Variants in SCLT1 observed in about 807,000 individuals in gnomAD.
SCLT1 encodes the protein sodium channel and clathrin linker 1, also known as sodium channel-associated protein 1.
A neutral mutation model predicts 112.8 loss-of-function variants in SCLT1; 78 were observed. The ratio of observed to expected loss-of-function variants is 0.69; its 90% confidence interval spans 0.58 to 0.83. The LOEUF (loss-of-function observed/expected upper bound fraction) is 0.83, where lower values mean the gene tolerates loss of function less well. SCLT1 is among the 40% of genes least tolerant of loss of function. The pLI is 0.00. For synonymous variants in SCLT1, 257 were observed against 254.7 expected (o/e 1.01, Z -0.09); for missense variants, 747 against 770.4 (o/e 0.97, Z 0.36).
At chr4:128,917,333 C>T (rs1248632992) in intron 18 of SCLT1, among the ~76,000 whole-genome samples, 1 of 152,164 alleles carries the variant, frequency 6.6e-6, no homozygotes, top group East Asian at 1.9e-4. Context: ...TATAATGGTA[C>T]ACAACATATT....
At position 129,093,245 on chromosome 4, in the gene SCLT1, C is replaced by A; in HGVS notation, c.-142G>T. On this transcript the variant is annotated 5_prime_UTR_variant, in exon 1 of 21. Coordinates refer to ENST00000281142, the MANE Select transcript of SCLT1 (RefSeq NM_144643.4). ...AGCGGTGCAATCTGCATCCTACTCACGCGGCATCTACAGCCCCGCCACGCT... is the reference window on the plus strand; with the variant it reads ...AGCGGTGCAATCTGCATCCTACTCAAGCGGCATCTACAGCCCCGCCACGCT... The A allele has an allele frequency of 2.8e-6, 2 of 717,320 alleles. No homozygotes were observed. Among genetic ancestry groups the A allele is most frequent in the Non-Finnish European group, 2.5e-6 (1 of 405,782 alleles). 44.4% of individuals were successfully genotyped at this position (717,320 alleles called of 1,614,324 possible).
intron 11 of SCLT1, among the ~76,000 whole-genome samples, chr4:128,963,246 T>TATTTTTTAAA (rs1739893000): frequency 6.6e-6 from 1 of 152,214 alleles, no homozygotes; most frequent in Admixed American, 6.5e-5. Context: ...AGTTTTTACT[T>TATTTTTTAAA]ATTTTTTAAA....
chr4:128,977,572 C>A (rs1741285986), intron 9 of SCLT1, among the ~76,000 whole-genome samples: 1 of 152,128 alleles, frequency 6.6e-6, no homozygotes, highest in African/African-American at 2.4e-5. Context: ...CATGGGTCAT[C>A]AGGCACATCT....
chr4:129,000,721 C>T (rs1007253860), intron 6 of SCLT1, among the ~76,000 whole-genome samples: 7 of 151,744 alleles, frequency 4.6e-5, no homozygotes, highest in Non-Finnish European at 1.0e-4. Flanking sequence ...AAACATAAGG[C>T]ACCTTGGAGT....
At chr4:129,018,546 C>G (rs895403548) in intron 5 of SCLT1, among the ~76,000 whole-genome samples, 1 of 152,026 alleles carries the variant, frequency 6.6e-6, no homozygotes, top group Non-Finnish European at 1.5e-5. Context: ...GAAAGGAGAT[C>G]AAAATGATCT....
chr4:128,951,634 T>C (rs1738747589), intron 14 of SCLT1, among the ~76,000 whole-genome samples: 1 of 152,064 alleles, frequency 6.6e-6, no homozygotes, highest in African/African-American at 2.4e-5. Flanking sequence ...ACTCCTCTTT[T>C]TCCACAAAGA....
intron 18 of SCLT1, among the ~76,000 whole-genome samples, chr4:128,910,452 G>A (rs1479578574): frequency 6.6e-6 from 1 of 152,128 alleles, no homozygotes; most frequent in Non-Finnish European, 1.5e-5. Flanking sequence ...TTTCTATTAG[G>A]TTGTTAACCT....
rs922973961 is a variant in SCLT1 at position 128,901,683 on chromosome 4, T to TAAAA, written c.1830-10550_1830-10547dup. 2.0e-5 allele frequency among the ~76,000 whole-genome samples: 3 copies of TAAAA among 150,858 alleles called. No homozygotes were observed. In the East Asian group the frequency reaches 5.9e-4, roughly 29 times the overall value. ...ACTTAAAGTATAATAAAAAAAAAATTAAAAAAAAAGACTGCACCCTTGTCC... is the reference window on the plus strand; with the variant it reads ...ACTTAAAGTATAATAAAAAAAAAATTAAAAAAAAAAAAAGACTGCACCCTTGTCC... On this transcript the variant is annotated intron_variant, in intron 18 of 20. Transcript: ENST00000281142.
At chr4:129,081,708 A>G (rs1054459353) in intron 2 of SCLT1, among the ~76,000 whole-genome samples, 5 of 152,212 alleles carry the variant, frequency 3.3e-5, no homozygotes, top group South Asian at 2.1e-4. Flanking sequence ...ACAATTCCAC[A>G]TGAGATTTGG....
intron 7 of SCLT1, among the ~76,000 whole-genome samples, chr4:128,998,499 G>C (rs1743195730): frequency 6.6e-6 from 1 of 151,688 alleles, no homozygotes; most frequent in Admixed American, 6.6e-5. Context: ...GATAACCAGG[G>C]AAAAAAGAAT....
chr4:129,037,532 T>C (rs775943347), intron 5 of SCLT1: 13 of 152,192 alleles, frequency 8.5e-5, no homozygotes, highest in Non-Finnish European at 1.3e-4. Context: ...TCCAGTTTTA[T>C]GGAAATAATG....
intron 11 of SCLT1, among the ~76,000 whole-genome samples, chr4:128,962,921 T>A (rs1431150729): frequency 6.6e-6 from 1 of 152,214 alleles, no homozygotes; most frequent in Non-Finnish European, 1.5e-5. Flanking sequence ...AGCTCTCATA[T>A]ACATATATCC....
chr4:129,007,286 CT>C (rs1170269138), intron 5 of SCLT1, among the ~76,000 whole-genome samples: 1 of 152,006 alleles, frequency 6.6e-6, no homozygotes, highest in African/African-American at 2.4e-5. Context: ...AATATTGCAT[CT>C]TAACTTACTG....
At position 128,959,537 on chromosome 4, in the gene SCLT1, G is replaced by C. The variant is rs1739503276; in HGVS notation, c.1047+63C>G. The C allele has an allele frequency of 2.5e-6, 3 of 1,212,322 alleles. No individual in the cohort carries two copies. The South Asian group carries it at 3.8e-5, about 15-fold the overall frequency. 75.1% of individuals were successfully genotyped at this position (1,212,322 alleles called of 1,614,324 possible). Reference sequence around the variant, plus strand: ...CAACAGCTATTGAATCCCTTACTGTGAGGTCACATGGGAGAATAGTCAACA... The same window carrying C: ...CAACAGCTATTGAATCCCTTACTGTCAGGTCACATGGGAGAATAGTCAACA... On this transcript the variant is annotated intron_variant, in intron 12 of 20. Transcript: ENST00000281142.
At chr4:129,082,810 A>G (rs1371944744) in intron 1 of SCLT1, among the ~76,000 whole-genome samples, 1 of 152,214 alleles carries the variant, frequency 6.6e-6, no homozygotes, top group Non-Finnish European at 1.5e-5. Flanking sequence ...TTAAGGAGAA[A>G]TTGCAGGCTG....
intron 9 of SCLT1, 91 bp downstream of exon 9, chr4:128,992,076 A>T: frequency 1.3e-6 from 1 of 780,062 alleles, no homozygotes. Context: ...AGGAAGGCAA[A>T]AAAACACCCA....
At chr4:129,062,867 C>A (rs1750114320) in intron 2 of SCLT1, among the ~76,000 whole-genome samples, 1 of 152,158 alleles carries the variant, frequency 6.6e-6, no homozygotes, top group Non-Finnish European at 1.5e-5. Context: ...TGAGTAAAGT[C>A]ATCTTTGGGT....
chr4:129,043,159 G>T (rs1392845326), intron 4 of SCLT1, among the ~76,000 whole-genome samples: 1 of 151,818 alleles, frequency 6.6e-6, no homozygotes, highest in South Asian at 2.1e-4. Flanking sequence ...TGATCTTCCT[G>T]TCTCAGCCTC....
chr4:128,916,760 C>T (rs1185277460), intron 18 of SCLT1, among the ~76,000 whole-genome samples: 2 of 152,122 alleles, frequency 1.3e-5, no homozygotes, highest in Non-Finnish European at 2.9e-5. Context: ...GTCCTTGTAT[C>T]ATAGGCTTAG....
Sources: gnomAD v4.1 joint callset for allele counts (sites outside exome capture counted in the v4.1 genomes callset) on GRCh38, gnomAD v4.1.1 for gene constraint, MANE v1.5 for transcripts, NCBI Gene and HGNC (gene_info 2026-07-23, HGNC 2026-07-21) for gene names.